TRPM3: variants seen among roughly 807,000 people sequenced by gnomAD.
TRPM3 encodes the protein long transient receptor potential channel 3.
A neutral mutation model predicts 181.2 loss-of-function variants in TRPM3; 77 were observed. The observed-to-expected ratio is 0.42, with a 90% CI of 0.35 to 0.51. The LOEUF (loss-of-function observed/expected upper bound fraction) is 0.51, where lower values mean the gene tolerates loss of function less well. TRPM3 is among the 20% of genes least tolerant of loss of function. The pLI is 0.01. For missense variants in TRPM3, 1,759 were observed against 2,196.7 expected, an observed-to-expected ratio of 0.80 and a Z score of 3.98; for synonymous variants, 745 against 796.4, an observed-to-expected ratio of 0.94 and a Z score of 1.09.
At chr9:71,403,913 T>A (rs1222341715) in intron 1 of TRPM3, among the ~76,000 whole-genome samples, 1 of 152,114 alleles carries the variant, frequency 6.6e-6, no homozygotes, top group African/African-American at 2.4e-5. Flanking sequence ...TGTGGACAAG[T>A]TGGTGCTTTC....
At chr9:71,203,156 A>G (rs1198033946) in intron 1 of TRPM3, among the ~76,000 whole-genome samples, 1 of 152,198 alleles carries the variant, frequency 6.6e-6, no homozygotes, top group African/African-American at 2.4e-5. Context: ...ATACTGTCTA[A>G]GGGAGATCTA....
At chr9:70,788,977 G>C (rs1020365021) in intron 6 of TRPM3, among the ~76,000 whole-genome samples, 1 of 152,160 alleles carries the variant, frequency 6.6e-6, no homozygotes, top group Non-Finnish European at 1.5e-5. Context: ...CTCCTAATAG[G>C]ACATGGACCG....
At chr9:71,140,057 T>G (rs2075003581) in intron 1 of TRPM3, among the ~76,000 whole-genome samples, 1 of 152,160 alleles carries the variant, frequency 6.6e-6, no homozygotes, top group Non-Finnish European at 1.5e-5. Context: ...AGCAATCATC[T>G]TGAAACCATG....
In TRPM3 at chr9:70,610,727, C is replaced by A; in HGVS notation, c.2549G>T (p.Gly850Val). ...TTCATCCTTCTTCCTGGAGGACTCC[C>A]CGTTGTTTCGTCCCAACATTGCCTA... ...ELTAMLGRNN[G>V]ESSRKKDEEE... Residue 850 changes from glycine (G) to valine (V), a missense_variant, in exon 19 of 26, where the codon GGG (glycine) becomes GTG (valine). Coordinates refer to ENST00000677713, the MANE Select transcript of TRPM3 (RefSeq NM_001366145.2). 1 of 1,614,126 alleles carries A rather than the reference C, an allele frequency of 6.2e-7. No individual in the cohort carries two copies. Among genetic ancestry groups the A allele is most frequent in the Admixed American group, 1.7e-5 (1 of 60,022 alleles).
At chr9:71,411,817 C>T (rs997538333) in intron 1 of TRPM3, among the ~76,000 whole-genome samples, 42 of 151,928 alleles carry the variant, frequency 2.8e-4, no homozygotes, top group African/African-American at 8.2e-4. Context: ...AGAACAAAGC[C>T]GGAGGCATCA....
chr9:71,297,027 T>C, intron 1 of TRPM3, among the ~76,000 whole-genome samples: 1 of 146,372 alleles, frequency 6.8e-6, no homozygotes, highest in South Asian at 2.2e-4. Flanking sequence ...AGTCTTGCTC[T>C]GTCACCCAGG....
chr9:71,104,058 G>A (rs142143892), intron 1 of TRPM3, among the ~76,000 whole-genome samples: 263 of 152,210 alleles, frequency 1.7e-3, no homozygotes, highest in African/African-American at 6.1e-3. Flanking sequence ...GGGACTACAG[G>A]AGCGTGCCAC....
chr9:71,436,184 T>A (rs912703343), intron 1 of TRPM3, among the ~76,000 whole-genome samples: 8 of 152,160 alleles, frequency 5.3e-5, no homozygotes, highest in African/African-American at 1.4e-4. Context: ...TGTCACCATG[T>A]AAGAAGTGCC....
At chr9:71,134,008 T>C (rs1259588416) in intron 1 of TRPM3, among the ~76,000 whole-genome samples, 317 of 87,912 alleles carry the variant, frequency 3.6e-3, no homozygotes, top group African/African-American at 6.2e-3. Flanking sequence ...TGTGTGTGTG[T>C]GTGTGTGCGC....
rs1218567027 is a variant in TRPM3 at position 71,436,293 on chromosome 9, T to A, written c.183+10360A>T. ...TCCGATTAAACCTCTCTTTTTTTTTTCTTTCTTTTTTTTTTTTTTTTTTTT... is the reference window on the plus strand; with the variant it reads ...TCCGATTAAACCTCTCTTTTTTTTTACTTTCTTTTTTTTTTTTTTTTTTTT... On this transcript the variant is annotated intron_variant, in intron 1 of 24. Coordinates refer to the TRPM3 transcript ENST00000357533. Among the ~76,000 whole-genome samples, 388 of 48,738 alleles carry A rather than the reference T, an allele frequency of 8.0e-3. 2 individuals are homozygous for A. The highest frequency in any genetic ancestry group is 0.013 in the African/African-American group (358 of 26,702). The allele number at this position is 48,738 out of a possible 152,430, so 32.0% of individuals were successfully genotyped here.
At chr9:70,997,417 G>A (rs987983805) in intron 1 of TRPM3, among the ~76,000 whole-genome samples, 4 of 152,106 alleles carry the variant, frequency 2.6e-5, no homozygotes, top group Non-Finnish European at 5.9e-5. Flanking sequence ...GGATGGTCTC[G>A]AACTCCTGAC....
rs544794130 is a variant in TRPM3 at position 71,318,774 on chromosome 9, A to G, written c.183+127879T>C. 2.6e-5 allele frequency among the ~76,000 whole-genome samples: 4 copies of G among 152,292 alleles called. No individual in the cohort carries two copies. In the South Asian group the frequency reaches 8.3e-4, roughly 32 times the overall value. On this transcript the variant is annotated intron_variant, in intron 1 of 24. Transcript: ENST00000357533. ...TGTTTTTTAAAAAAATTATTGAAGT[A>G]TAGCTGAAATAAGATAAACTTTATG...
At chr9:71,262,748 C>A (rs2132081532) in intron 1 of TRPM3, among the ~76,000 whole-genome samples, 1 of 152,272 alleles carries the variant, frequency 6.6e-6, no homozygotes, top group East Asian at 1.9e-4. Context: ...CTGTCCCTCA[C>A]AGCACGGTCC....
At position 71,404,740 on chromosome 9, in the gene TRPM3, T is replaced by A. The variant is rs573608757; in HGVS notation, c.183+41913A>T. Among the ~76,000 whole-genome samples, 29 of 152,320 alleles carry A rather than the reference T, an allele frequency of 1.9e-4. No homozygotes were observed. In the East Asian group the frequency reaches 5.4e-3, roughly 28 times the overall value. On this transcript the variant is annotated intron_variant, in intron 1 of 24. Coordinates refer to the TRPM3 transcript ENST00000357533. ...CATAGAGAATAAAGCCTGGACTTCA[T>A]GCAAAACAAAAGACCCATGCCTTCC...
intron 1 of TRPM3, among the ~76,000 whole-genome samples, chr9:71,182,931 G>A (rs912178623): frequency 1.3e-5 from 2 of 151,988 alleles, no homozygotes; most frequent in Non-Finnish European, 2.9e-5. Flanking sequence ...CAAAGTGCTG[G>A]GATTACAGGC....
intron 20 of TRPM3, among the ~76,000 whole-genome samples, chr9:70,603,119 A>G (rs146627150): frequency 6.6e-6 from 1 of 152,330 alleles, no homozygotes; most frequent in Non-Finnish European, 1.5e-5. Context: ...ACGTTAGCAG[A>G]GAATAGACCA....
chr9:70,844,466 G>A (rs1281114460), intron 4 of TRPM3, among the ~76,000 whole-genome samples: 10 of 151,806 alleles, frequency 6.6e-5, no homozygotes, highest in African/African-American at 2.2e-4. Context: ...AAACAGACCC[G>A]AACCAAAAAA....
At chr9:71,147,096 C>A (rs1385035309) in intron 1 of TRPM3, among the ~76,000 whole-genome samples, 1 of 152,134 alleles carries the variant, frequency 6.6e-6, no homozygotes. Flanking sequence ...GCAGTAACAC[C>A]AACGTGGTTG....
At chr9:70,783,605 T>C (rs897465777) in intron 7 of TRPM3, among the ~76,000 whole-genome samples, 1 of 152,138 alleles carries the variant, frequency 6.6e-6, no homozygotes, top group Non-Finnish European at 1.5e-5. Flanking sequence ...TACAGAGATT[T>C]GACTTTCCCA....
Sources: allele counts gnomAD v4.1 joint callset (sites outside exome capture counted in the v4.1 genomes callset), GRCh38; gene constraint gnomAD v4.1.1; transcripts MANE v1.5; gene names NCBI Gene and HGNC (gene_info 2026-07-23, HGNC 2026-07-21).